Variants in FARS2 observed in about 807,000 individuals in gnomAD.
FARS2 encodes phenylalanyl-tRNA synthetase 2, mitochondrial.
Under a neutral mutation model 46.4 loss-of-function variants are expected in FARS2, and 40 were observed. That is an observed-to-expected ratio of 0.86 (90% CI 0.67 to 1.12). The LOEUF is 1.12. FARS2 is among the 50% of genes most tolerant of loss of function. The pLI, the probability that FARS2 is intolerant of heterozygous loss-of-function variation, is 0.00. For missense variants in FARS2, 513 were observed against 567.9 expected (o/e 0.90, Z 0.98); for synonymous variants, 234 against 214.9 (o/e 1.09, Z -0.78).
chr6:5,431,238 C>G, intron 4 of FARS2, 66 bp downstream of exon 4: 2 of 1,523,428 alleles, frequency 1.3e-6, no homozygotes, highest in Non-Finnish European at 9.1e-7. Flanking sequence ...CAGGCAGCCC[C>G]GTTGCACACT....
intron 6 of FARS2, among the ~76,000 whole-genome samples, chr6:5,629,809 A>G (rs141655362): frequency 1.3e-3 from 199 of 152,170 alleles, no homozygotes; most frequent in Middle Eastern, 6.8e-3. Context: ...AGCTGACAAT[A>G]TAAAAAAAAA....
At chr6:5,263,820 A>T (rs1041010189) in intron 1 of FARS2, among the ~76,000 whole-genome samples, 2 of 152,248 alleles carry the variant, frequency 1.3e-5, no homozygotes, top group Non-Finnish European at 2.9e-5. Context: ...CTCTAATCAT[A>T]ATAAACAGTG....
At chr6:5,597,822 A>G (rs1261882728) in intron 5 of FARS2, among the ~76,000 whole-genome samples, 2 of 152,082 alleles carry the variant, frequency 1.3e-5, no homozygotes, top group Non-Finnish European at 2.9e-5. Flanking sequence ...CGTAGCCAAT[A>G]TTTCCTTCCA....
intron 6 of FARS2, among the ~76,000 whole-genome samples, chr6:5,769,361 G>A (rs1359524925): frequency 6.6e-6 from 1 of 152,246 alleles, no homozygotes; most frequent in East Asian, 1.9e-4. Context: ...AGTTTCATAA[G>A]CTCCCACTCC....
intron 4 of FARS2, among the ~76,000 whole-genome samples, chr6:5,445,181 A>G (rs1262029853): frequency 4.2e-5 from 3 of 70,984 alleles, no homozygotes; most frequent in Non-Finnish European, 8.6e-5. Context: ...AGAAATTCTT[A>G]GAGACCTTTA....
chr6:5,454,395 G>A (rs547358434), intron 4 of FARS2, among the ~76,000 whole-genome samples: 229 of 152,148 alleles, frequency 1.5e-3, no homozygotes, highest in African/African-American at 5.4e-3. Flanking sequence ...AGGCTGGAGT[G>A]CAGTGGCGTG....
At chr6:5,432,455 TTATATATTATATATATTTTTTATATATAA>T (rs1171982538) in intron 4 of FARS2, among the ~76,000 whole-genome samples, 28 of 128,204 alleles carry the variant, frequency 2.2e-4, no homozygotes, top group Non-Finnish European at 3.5e-4. Flanking sequence ...AAAATATATA[TTATATATTATATATATTTTTTATATATAA>T]TATATATTAT....
At chr6:5,695,009 C>A (rs1444598902) in intron 6 of FARS2, 1 of 152,096 alleles carries the variant, frequency 6.6e-6, no homozygotes, top group African/African-American at 2.4e-5. Context: ...GACCCCATCT[C>A]TAAAAGAAAA....
chr6:5,405,250 G>A (rs949739578), intron 3 of FARS2, among the ~76,000 whole-genome samples: 7 of 152,084 alleles, frequency 4.6e-5, no homozygotes, highest in Non-Finnish European at 7.3e-5. Flanking sequence ...ACAAAGTTTT[G>A]ACTGCGATTT....
chr6:5,280,718 G>A (rs982842647), intron 1 of FARS2, among the ~76,000 whole-genome samples: 3 of 150,782 alleles, frequency 2.0e-5, no homozygotes, highest in South Asian at 4.2e-4. Context: ...AAAAAATAAC[G>A]TCTCCTGTCC....
chr6:5,406,777 T>C (rs897396041), intron 3 of FARS2, among the ~76,000 whole-genome samples: 3 of 151,320 alleles, frequency 2.0e-5, no homozygotes, highest in African/African-American at 7.3e-5. Context: ...CTCATAAACA[T>C]AGGTATATGT....
chr6:5,464,060 C>T (rs1182439505), intron 4 of FARS2, among the ~76,000 whole-genome samples: 2 of 152,170 alleles, frequency 1.3e-5, no homozygotes, highest in Non-Finnish European at 2.9e-5. Context: ...TAAGTATGTA[C>T]ATTTGGTTGC....
intron 4 of FARS2, among the ~76,000 whole-genome samples, chr6:5,519,100 G>A (rs1768979533): frequency 6.6e-6 from 1 of 152,156 alleles, no homozygotes; most frequent in African/African-American, 2.4e-5. Flanking sequence ...ATGCAAAATT[G>A]TGGTTGGAAA....
intron 5 of FARS2, among the ~76,000 whole-genome samples, chr6:5,591,969 G>A (rs1773942867): frequency 6.6e-6 from 1 of 152,168 alleles, no homozygotes; most frequent in South Asian, 2.1e-4. Context: ...CATATTTGTT[G>A]AATTAATGAG....
intron 2 of FARS2, among the ~76,000 whole-genome samples, chr6:5,384,150 C>T (rs1432588388): frequency 2.0e-5 from 3 of 152,070 alleles, no homozygotes; most frequent in African/African-American, 7.2e-5. Context: ...ATTTAATTTC[C>T]ATGTAATTTG....
intron 4 of FARS2, 101 bp from the exon 5 acceptor site, chr6:5,545,079 G>A (rs1770877964): frequency 3.5e-6 from 4 of 1,140,494 alleles, no homozygotes; most frequent in Non-Finnish European, 5.1e-6. Flanking sequence ...TTGCCCGCTG[G>A]TAGGCATCTA....
At chr6:5,737,149 G>A (rs1048652706) in intron 6 of FARS2, among the ~76,000 whole-genome samples, 1 of 152,180 alleles carries the variant, frequency 6.6e-6, no homozygotes, top group Non-Finnish European at 1.5e-5. Flanking sequence ...GTAAAACTGA[G>A]CCTCGAAAAC....
At chr6:5,751,654 C>A (rs549788049) in intron 6 of FARS2, among the ~76,000 whole-genome samples, 1 of 152,304 alleles carries the variant, frequency 6.6e-6, no homozygotes, top group Admixed American at 6.5e-5. Flanking sequence ...CTGTGCTGGC[C>A]TGGGCCACCC....
intron 6 of FARS2, among the ~76,000 whole-genome samples, chr6:5,639,755 C>G (rs929568819): frequency 6.6e-6 from 1 of 152,184 alleles, no homozygotes; most frequent in Non-Finnish European, 1.5e-5. Context: ...TACAACACTT[C>G]GTTGATGACC....
Sources: gnomAD v4.1 joint callset for allele counts (sites outside exome capture counted in the v4.1 genomes callset) on GRCh38, gnomAD v4.1.1 for gene constraint, MANE v1.5 for transcripts, NCBI Gene and HGNC (gene_info 2026-07-23, HGNC 2026-07-21) for gene names.